The following ZNF91 variants were observed in gnomAD, a reference collection of about 807,000 sequenced individuals.
ZNF91 encodes zinc finger protein 91, also known as zinc finger protein 91 (HPF7, HTF10).
ZNF91 carries 7 observed loss-of-function variants against 12.6 expected under a neutral mutation model. The observed-to-expected ratio is 0.55, with a 90% confidence interval of 0.31 to 1.04. The LOEUF is 1.04. Ranked by LOEUF, ZNF91 falls within the 50% of genes least tolerant of loss-of-function variation. The probability of loss-of-function intolerance (pLI) is 0.05; values close to 1 mark genes in which losing one functional copy is unlikely to be tolerated. For synonymous variants in ZNF91, 453 were observed against 462.6 expected (o/e 0.98, Z 0.27); for missense variants, 1,217 against 1,385.4 (o/e 0.88, Z 1.93).
chr19:23,339,760 C>G (rs1469248494), intron 3 of ZNF91: 1 of 151,316 alleles, frequency 6.6e-6, no homozygotes, highest in Non-Finnish European at 1.5e-5. Context: ...GGCAACATGG[C>G]AAAACCCTGT....
intron 3 of ZNF91, among the ~76,000 whole-genome samples, chr19:23,352,123 TGGGAGGC>T (rs1968381110): frequency 2.6e-5 from 4 of 152,166 alleles, no homozygotes; most frequent in Non-Finnish European, 5.9e-5. Context: ...CTTTCCCAGC[TGGGAGGC>T]AGGAAGCCTT....
chr19:23,386,798 T>C (rs2127369), intron 1 of ZNF91, among the ~76,000 whole-genome samples: 16,982 of 151,962 alleles, frequency 0.11, 1,489 homozygotes, highest in East Asian at 0.37. Context: ...AAAGTAAAAA[T>C]TGACAAATTG....
In ZNF91 at chr19:23,361,500, T is replaced by C. The variant is rs773947401; in HGVS notation, c.1479A>G (p.Glu493=). ...ATTGCCTAAAAGCTTTGCCACATTC[T>C]TCACATTTGTAGGGCTTCTCTCCAG... ...IHTGEKPYKC[E]ECGKAFRQSS... The change falls in exon 4 of 4, where the codon GAA becomes GAG. Residue 493 remains glutamate, a synonymous_variant. Transcript: ENST00000300619. The C allele has an allele frequency of 2.5e-6, 4 of 1,613,950 alleles. No individual in the cohort carries two copies. The East Asian group carries it at 8.9e-5, about 36-fold the overall frequency.
At chr19:23,376,803 A>G (rs2145105579) in intron 1 of ZNF91, among the ~76,000 whole-genome samples, 1 of 152,318 alleles carries the variant, frequency 6.6e-6, no homozygotes, top group African/African-American at 2.4e-5. Flanking sequence ...GGCAGAGTGG[A>G]CACAGCTCTT....
At chr19:23,306,505 G>A (rs898981074) in intron 3 of ZNF91, among the ~76,000 whole-genome samples, 1 of 152,172 alleles carries the variant, frequency 6.6e-6, no homozygotes, top group Non-Finnish European at 1.5e-5. Flanking sequence ...CTTCTGCTTT[G>A]TCGCTGCCCA....
At position 23,332,345 on chromosome 19, in the gene ZNF91, A is replaced by AT. The variant is rs71163487; in HGVS notation, n.117-23249dup. On this transcript the variant is annotated intron_variant and non_coding_transcript_variant, in intron 1 of 1. Transcript: ENST00000596528. ...CTGACCACTAGCTACCAGCATCCTA[A>AT]TTTTTTTTTTAACACATCATCTTTT... 1.3e-3 allele frequency among the ~76,000 whole-genome samples: 196 copies of AT among 150,600 alleles called. 1 individual carries two copies. The highest frequency in any genetic ancestry group is 6.8e-3 in the Middle Eastern group (2 of 292).
At chr19:23,307,142 C>G (rs764311038) in intron 3 of ZNF91, 1 of 152,180 alleles carries the variant, frequency 6.6e-6, no homozygotes, top group African/African-American at 2.4e-5. Context: ...TATTGCTGCA[C>G]TCAACACAAA....
At chr19:23,341,594 A>C (rs943717631) in intron 3 of ZNF91, among the ~76,000 whole-genome samples, 1 of 152,198 alleles carries the variant, frequency 6.6e-6, no homozygotes, top group African/African-American at 2.4e-5. Flanking sequence ...TTTTGCCAAC[A>C]AATATATACA....
At chr19:23,373,600 T>C (rs1456733089) in intron 3 of ZNF91, 142 bp downstream of exon 3, 9 of 542,684 alleles carry the variant, frequency 1.7e-5, no homozygotes, top group South Asian at 7.3e-5. Flanking sequence ...ACAGAAGTGA[T>C]AGCATAATTT....
At chr19:23,333,773 T>C (rs1967961717), downstream of ZNF91, among the ~76,000 whole-genome samples, 1 of 152,206 alleles carries the variant, frequency 6.6e-6, no homozygotes, top group Admixed American at 6.5e-5. Context: ...ACTGCTAGTA[T>C]TATTATTATC....
At chr19:23,371,062 T>C (rs1465163571) in intron 3 of ZNF91, among the ~76,000 whole-genome samples, 2 of 151,958 alleles carry the variant, frequency 1.3e-5, no homozygotes, top group Admixed American at 6.6e-5. Flanking sequence ...ACTAAGAGGC[T>C]GGGCAAGGTG....
At position 23,306,369 on chromosome 19, in the gene ZNF91, C is replaced by A. The variant is rs546252119; in HGVS notation, n.277+947G>T. ...TTTGACACATCTGCCTGGGCCCAGC[C>A]CAGATGGAATTGTGACATATCACTG... On this transcript the variant is annotated intron_variant and non_coding_transcript_variant, in intron 3 of 3. Coordinates refer to the ZNF91 transcript ENST00000593292. 3.9e-5 allele frequency among the ~76,000 whole-genome samples: 6 copies of A among 152,320 alleles called. No individual in the cohort carries two copies. The South Asian group carries it at 1.2e-3, about 32-fold the overall frequency.
chr19:23,309,932 A>G lies in ZNF91; in HGVS notation n.16+616T>C, dbSNP rs570361485. ...CACACATGGATGAAGCCCACTGGTG[A>G]GGTACTTAATCTCACACATGGATGC... On this transcript the variant is annotated intron_variant and non_coding_transcript_variant, in intron 1 of 3. Transcript: ENST00000593292. Among the ~76,000 whole-genome samples, 5 of 152,252 alleles carry G rather than the reference A, an allele frequency of 3.3e-5. No homozygotes were observed. The East Asian group carries it at 9.7e-4, about 30-fold the overall frequency.
intron 1 of ZNF91, among the ~76,000 whole-genome samples, chr19:23,316,649 CAACT>C (rs1444770513): frequency 6.6e-6 from 1 of 152,102 alleles, no homozygotes; most frequent in African/African-American, 2.4e-5. Flanking sequence ...TATCTTGGTC[CAACT>C]AACAGTTGCA....
upstream of ZNF91, among the ~76,000 whole-genome samples, chr19:23,311,668 G>C (rs1967473771): frequency 6.6e-6 from 1 of 152,098 alleles, no homozygotes; most frequent in Non-Finnish European, 1.5e-5. Flanking sequence ...CTCCTCTTTG[G>C]CCTGCACCCT....
Position 23,360,250 on chromosome 19 carries a change from T to C in ZNF91, c.2729A>G (p.Tyr910Cys), listed in dbSNP as rs1968676490. 6.2e-7 allele frequency: 1 copy of C among 1,613,976 alleles called. No homozygotes were observed. Among genetic ancestry groups the C allele is most frequent in the Non-Finnish European group, 8.5e-7 (1 of 1,179,992 alleles). Residue 910 changes from tyrosine (Y) to cysteine (C), a missense_variant, in exon 4 of 4, where the codon TAC (tyrosine) becomes TGC (cysteine). This residue lies in a region of ZNF91 where 491 missense variants were observed against 489.8 expected (regional missense o/e 1.00). Coordinates refer to ENST00000300619, the MANE Select transcript of ZNF91 (RefSeq NM_003430.4). ...TGCTTTGCCACATTCTTCACATTTG[T>C]AGGTTTTCTCTCTGGTATGAATTCT... ...HKRIHTREKTYKCEECGKAFS... is the reference protein window; with the variant it reads ...HKRIHTREKTCKCEECGKAFS...
At position 23,395,420 on chromosome 19, in the gene ZNF91, G is replaced by C. The variant is rs930257556; in HGVS notation, c.-66C>G. On this transcript the variant is annotated 5_prime_UTR_variant, in exon 1 of 4. Transcript: ENST00000300619. ...CACAGGCTGGGCCTCCTGGAGCAGA[G>C]GACACAGAGCAGTGAAGTCGAGACC... The C allele has an allele frequency of 5.0e-6, 8 of 1,593,848 alleles. No individual in the cohort carries two copies. The highest frequency in any genetic ancestry group is 2.2e-5 in the South Asian group (2 of 90,326).
intron 1 of ZNF91, chr19:23,328,772 G>C (rs1967879749): frequency 6.6e-6 from 1 of 152,182 alleles, no homozygotes. Flanking sequence ...AAATGGATTT[G>C]ATAAAGGTTT....
At chr19:23,316,986 G>C (rs139025458) in intron 1 of ZNF91, among the ~76,000 whole-genome samples, 1 of 152,030 alleles carries the variant, frequency 6.6e-6, no homozygotes, top group Non-Finnish European at 1.5e-5. Flanking sequence ...CGTCAACACA[G>C]ACCACAGCTG....
Sources: gnomAD v4.1 joint callset for allele counts (sites outside exome capture counted in the v4.1 genomes callset) on GRCh38, gnomAD v4.1.1 for gene constraint, gnomAD v4.1.1 regional missense constraint, MANE v1.5 for transcripts, NCBI Gene and HGNC (gene_info 2026-07-23, HGNC 2026-07-21) for gene names.